Variants in NUP133 observed in about 807,000 individuals in gnomAD.
The protein encoded by NUP133 is nucleoporin 133.
NUP133 carries 66 observed loss-of-function variants against 146.2 expected under a neutral mutation model. That is an observed-to-expected ratio of 0.45 (90% CI 0.37 to 0.55). The LOEUF (loss-of-function observed/expected upper bound fraction) is 0.55, where lower values mean the gene tolerates loss of function less well. Among genes scored for constraint, NUP133 ranks in the 20% least tolerant of loss-of-function variants. NUP133 has a pLI of 0.00. For synonymous variants in NUP133, 521 were observed against 498.8 expected (o/e 1.04, Z -0.59); for missense variants, 1,277 against 1,374.8 (o/e 0.93, Z 1.12).
intron 21 of NUP133, among the ~76,000 whole-genome samples, chr1:229,456,166 A>G (rs538621266): frequency 6.6e-6 from 1 of 152,334 alleles, no homozygotes; most frequent in African/African-American, 2.4e-5. Flanking sequence ...ACATTGCTTC[A>G]GGAGTGGTAC....
chr1:229,461,434 A>G (rs1162699804), intron 19 of NUP133, among the ~76,000 whole-genome samples: 1 of 152,232 alleles, frequency 6.6e-6, no homozygotes, highest in Non-Finnish European at 1.5e-5. Flanking sequence ...AAGACTTCTG[A>G]CACCAGAAAT....
chr1:229,469,057 T>C (rs1433475640), intron 15 of NUP133, among the ~76,000 whole-genome samples: 1 of 152,180 alleles, frequency 6.6e-6, no homozygotes, highest in Non-Finnish European at 1.5e-5. Flanking sequence ...GTCGGCACAG[T>C]GTGCTACATG....
chr1:229,484,611 A>G (rs1165709998), intron 11 of NUP133, among the ~76,000 whole-genome samples: 1 of 152,212 alleles, frequency 6.6e-6, no homozygotes, highest in Non-Finnish European at 1.5e-5. Flanking sequence ...ACATTTCATC[A>G]TAATTAACAG....
intron 14 of NUP133, among the ~76,000 whole-genome samples, chr1:229,471,766 T>G (rs986970626): frequency 2.6e-5 from 4 of 152,254 alleles, no homozygotes; most frequent in Non-Finnish European, 4.4e-5. Context: ...ATCCTTCATT[T>G]TCTATATGCT....
intron 25 of NUP133, among the ~76,000 whole-genome samples, chr1:229,444,545 G>A (rs1334377238): frequency 6.6e-6 from 1 of 151,838 alleles, no homozygotes; most frequent in Non-Finnish European, 1.5e-5. Context: ...ACTAATGCTT[G>A]GAGATCAGTG....
chr1:229,498,770 A>G (rs1661721858), intron 5 of NUP133, among the ~76,000 whole-genome samples: 1 of 152,134 alleles, frequency 6.6e-6, no homozygotes, highest in African/African-American at 2.4e-5. Flanking sequence ...AAAGAAAAAA[A>G]AAAAAAACAA....
At chr1:229,507,372 GA>G (rs1241442273) in intron 1 of NUP133, among the ~76,000 whole-genome samples, 1 of 152,106 alleles carries the variant, frequency 6.6e-6, no homozygotes, top group Non-Finnish European at 1.5e-5. Flanking sequence ...GATGAATTCA[GA>G]GAAAACTATG....
chr1:229,505,689 C>T (rs1373489551), intron 2 of NUP133, among the ~76,000 whole-genome samples: 1 of 151,392 alleles, frequency 6.6e-6, no homozygotes, highest in Non-Finnish European at 1.5e-5. Flanking sequence ...GAGTTCAAGA[C>T]CAGCCTGGCC....
intron 24 of NUP133, among the ~76,000 whole-genome samples, chr1:229,445,799 G>A (rs775085223): frequency 5.3e-5 from 8 of 152,196 alleles, no homozygotes; most frequent in Non-Finnish European, 1.0e-4. Flanking sequence ...AATCAAGTAG[G>A]CAGAAAGCTA....
intron 12 of NUP133, among the ~76,000 whole-genome samples, chr1:229,479,527 G>A (rs1661158531): frequency 6.6e-6 from 1 of 152,124 alleles, no homozygotes; most frequent in African/African-American, 2.4e-5. Context: ...GGGGTCTTAA[G>A]ACATATCCCC....
chr1:229,468,393 G>A (rs1476933398), intron 15 of NUP133, among the ~76,000 whole-genome samples: 4 of 152,048 alleles, frequency 2.6e-5, no homozygotes, highest in East Asian at 1.9e-4. Flanking sequence ...ATTATGACAC[G>A]GGAGAAAACC....
In NUP133 at chr1:229,460,698, A is replaced by C; in HGVS notation, c.2757T>G (p.Ile919Met). Residue 919 changes from isoleucine to methionine, a missense_variant, in exon 20 of 26, where the codon ATT (isoleucine) becomes ATG (methionine). Ile to Met is a conservative substitution (Grantham distance 10). Around this residue, in one of 3 missense-constraint regions of NUP133, gnomAD observed 952 missense variants for 1,047.0 expected, o/e 0.91. Transcript: ENST00000261396. ...GKRGKLLSQP[I>M]SQHGQLANFL... ...AATTTGCCAACTGTCCATGCTGAGA[A>C]ATGGGCTGAGATAATAATTTGCCTC... 1 of 1,614,112 alleles carries C rather than the reference A, an allele frequency of 6.2e-7. No homozygotes were observed. Among genetic ancestry groups the C allele is most frequent in the Non-Finnish European group, 8.5e-7 (1 of 1,179,968 alleles).
chr1:229,500,781 G>A lies in NUP133; in HGVS notation c.488C>T (p.Pro163Leu), dbSNP rs1387684961. The A allele has an allele frequency of 9.9e-6, 16 of 1,612,054 alleles. No individual in the cohort carries two copies. The highest frequency in any genetic ancestry group is 1.4e-5 in the Non-Finnish European group (16 of 1,178,702). ...CTGAGTAGAATGTGCTTCACCTGAG[G>A]GAGAAGAGTAAGAAAGAGCCACTAA... The part of the protein sequence containing the change: ...ADLVALSYSS[P>L]SGEAHSTQAV... The change falls in exon 4 of 26, where the codon CCC becomes CTC. Residue 163 changes from proline to leucine, a missense_variant. Around this residue, in one of 3 missense-constraint regions of NUP133, gnomAD observed 319 missense variants for 306.9 expected, o/e 1.04. Coordinates refer to ENST00000261396, the MANE Select transcript of NUP133 (RefSeq NM_018230.3).
rs1430860225 is a variant in NUP133 at position 229,440,405 on chromosome 1, G to C, written c.*1499C>G. 1 of 152,176 alleles carries C rather than the reference G, an allele frequency of 6.6e-6. No individual in the cohort carries two copies. Among genetic ancestry groups the C allele is most frequent in the Non-Finnish European group, 1.5e-5 (1 of 68,046 alleles). The allele number at this position is 152,176 out of a possible 1,614,324, so 9.4% of individuals were successfully genotyped here. A position where few individuals can be genotyped will look rare whatever the true frequency, so the allele number is the denominator to read the frequency against. On this transcript the variant is annotated 3_prime_UTR_variant, in exon 26 of 26. Coordinates refer to ENST00000261396, the MANE Select transcript of NUP133 (RefSeq NM_018230.3). ...AGGATGACTCTACTTCACACGGTAA[G>C]AGCAGTCGTTCTACGTCCACGCGAT...
chr1:229,464,860 C>A lies in NUP133; in HGVS notation c.2315G>T (p.Gly772Val), dbSNP rs771525719. The change falls in exon 18 of 26, where the codon GGT (glycine) becomes GTT (valine). Residue 772 changes from glycine to valine, a missense_variant. Physicochemically the swap from Gly to Val is moderately radical, Grantham distance 109. This residue lies in a region of NUP133 where 952 missense variants were observed against 1,047.0 expected (regional missense o/e 0.91). Coordinates refer to ENST00000261396, the MANE Select transcript of NUP133 (RefSeq NM_018230.3). ...GCGTATTATTACCGTTCGGATGCCA[C>A]CAGGACCACTTGTTGCTGTGAAATT... ...YVPWTATSGPGGIRTVIIRQH... is the reference protein window; with the variant it reads ...YVPWTATSGPVGIRTVIIRQH... 2 of 1,614,040 alleles carry A rather than the reference C, an allele frequency of 1.2e-6. No homozygotes were observed. Among genetic ancestry groups the A allele is most frequent in the South Asian group, 2.2e-5 (2 of 91,062 alleles).
intron 3 of NUP133, among the ~76,000 whole-genome samples, chr1:229,501,437 C>T (rs1661794823): frequency 6.6e-6 from 1 of 152,154 alleles, no homozygotes; most frequent in African/African-American, 2.4e-5. Flanking sequence ...GCCCTGAGTT[C>T]CAACGGAACA....
chr1:229,441,733 A>T lies in NUP133; in HGVS notation c.*171T>A, dbSNP rs988733763. The T allele has an allele frequency of 3.5e-6, 2 of 573,102 alleles. No homozygotes were observed. Among genetic ancestry groups the T allele is most frequent in the African/African-American group, 3.8e-5 (2 of 52,424 alleles). The allele number at this position is 573,102 out of a possible 1,614,324, so 35.5% of individuals were successfully genotyped here. On this transcript the variant is annotated 3_prime_UTR_variant, in exon 26 of 26. Coordinates refer to ENST00000261396, the MANE Select transcript of NUP133 (RefSeq NM_018230.3). ...GAAAAAACAAGTCACATAACTGAAA[A>T]CCAAAATCACAGTTACATAACTATT...
At position 229,500,841 on chromosome 1, in the gene NUP133, T is replaced by C; in HGVS notation, c.428A>G (p.Gln143Arg). The C allele has an allele frequency of 6.2e-7, 1 of 1,612,242 alleles. No individual in the cohort carries two copies. The highest frequency in any genetic ancestry group is 1.7e-5 in the Admixed American group (1 of 59,910). Residue 143 changes from glutamine (Q) to arginine (R), a missense_variant, in exon 4 of 26, where the codon CAG becomes CGG. Around this residue, in one of 3 missense-constraint regions of NUP133, gnomAD observed 319 missense variants for 306.9 expected, o/e 1.04. Coordinates refer to ENST00000261396, the MANE Select transcript of NUP133 (RefSeq NM_018230.3). The part of the protein sequence containing the change: ...ITKLSVCKEL[Q>R]LPPSDFHWSA... ...CCAGTGGAAATCACTAGGTGGCAGCTGAAGTTCTTTGCAAACGGATAACTG... is the reference window on the plus strand; with the variant it reads ...CCAGTGGAAATCACTAGGTGGCAGCCGAAGTTCTTTGCAAACGGATAACTG...
At chr1:229,477,211 G>A (rs1172004080) in intron 13 of NUP133, among the ~76,000 whole-genome samples, 1 of 152,002 alleles carries the variant, frequency 6.6e-6, no homozygotes, top group African/African-American at 2.4e-5. Flanking sequence ...AGGCCGAGGT[G>A]GGTGGATCAC....
Sources: allele counts gnomAD v4.1 joint callset (sites outside exome capture counted in the v4.1 genomes callset), GRCh38; gene constraint gnomAD v4.1.1; regional missense constraint gnomAD v4.1.1; transcripts MANE v1.5; gene names NCBI Gene and HGNC (gene_info 2026-07-23, HGNC 2026-07-21).